ZNF438: variants seen among roughly 807,000 people sequenced by gnomAD.
ZNF438 encodes the protein zinc finger protein 438.
Under a neutral mutation model 38.0 loss-of-function variants are expected in ZNF438, and 25 were observed. The ratio of observed to expected loss-of-function variants is 0.66; its 90% CI spans 0.48 to 0.92. The LOEUF (loss-of-function observed/expected upper bound fraction) is 0.92. Ranked by LOEUF, ZNF438 falls within the 40% of genes least tolerant of loss-of-function variation. The pLI is 0.00. For synonymous variants in ZNF438, 372 were observed against 364.1 expected, an observed-to-expected ratio of 1.02 and a Z score of -0.25; for missense variants, 1,007 against 999.6, an observed-to-expected ratio of 1.01 and a Z score of -0.10.
chr10:30,946,433 G>A (rs575268025), intron 1 of ZNF438, among the ~76,000 whole-genome samples: 57 of 151,858 alleles, frequency 3.8e-4, no homozygotes, highest in South Asian at 2.5e-3. Flanking sequence ...GAAAATTTTC[G>A]CAACCTACTC....
intron 2 of ZNF438, among the ~76,000 whole-genome samples, chr10:30,931,325 A>C (rs2045672919): frequency 6.6e-6 from 1 of 152,206 alleles, no homozygotes; most frequent in African/African-American, 2.4e-5. Context: ...CCATGCCTGA[A>C]GCCAGATGCA....
At position 30,965,277 on chromosome 10, in the gene ZNF438, C is replaced by T. The variant is rs117902210; in HGVS notation, c.-191-23626G>A. ...GTGAGAAGAGCTATTATTAAAAAGT[C>T]GAAAAATAATATGCTGGTGAGGCTG... On this transcript the variant is annotated intron_variant, in intron 1 of 5. Coordinates refer to ENST00000413025, the Ensembl canonical transcript of ZNF438. Among the ~76,000 whole-genome samples, 1,993 of 152,156 alleles carry T rather than the reference C, an allele frequency of 0.013. 138 individuals are homozygous for T. In the East Asian group the frequency reaches 0.19, roughly 14 times the overall value.
At chr10:30,875,441 G>C (rs938052399) in intron 4 of ZNF438, 9 of 976,924 alleles carry the variant, frequency 9.2e-6, no homozygotes, top group Non-Finnish European at 1.1e-5. Flanking sequence ...TTGGAGGCAG[G>C]TATGGAATGG....
chr10:30,994,248 A>G (rs1408508299), intron 1 of ZNF438, among the ~76,000 whole-genome samples: 3 of 152,204 alleles, frequency 2.0e-5, no homozygotes, highest in Admixed American at 6.5e-5. Flanking sequence ...AGAAGGACAT[A>G]AATTTTGGGT....
intron 4 of ZNF438, among the ~76,000 whole-genome samples, chr10:30,856,307 T>C (rs1168629795): frequency 6.6e-6 from 1 of 152,208 alleles, no homozygotes; most frequent in Non-Finnish European, 1.5e-5. Context: ...CTCCAAACAT[T>C]TGCTCTTTAA....
At chr10:31,025,326 T>C (rs570934556) in intron 1 of ZNF438, among the ~76,000 whole-genome samples, 9 of 152,350 alleles carry the variant, frequency 5.9e-5, no homozygotes, top group African/African-American at 2.2e-4. Context: ...TGACATGCTA[T>C]AATGGCCTCA....
intron 1 of ZNF438, among the ~76,000 whole-genome samples, chr10:30,957,023 C>G (rs75315565): frequency 0.079 from 12,070 of 152,168 alleles, 575 homozygotes; most frequent in Non-Finnish European, 0.11. Context: ...TGTAAATTAA[C>G]AGTTCCCTTT....
At chr10:31,015,162 C>T (rs2642189) in intron 1 of ZNF438, among the ~76,000 whole-genome samples, 3,112 of 152,234 alleles carry the variant, frequency 0.02, 38 homozygotes, top group Non-Finnish European at 0.031. Flanking sequence ...GCTACCATAC[C>T]CAGTCTGTTA....
rs1177008438 is a variant in ZNF438 at position 30,844,885 on chromosome 10, C to G, written c.*76G>C. ...CTGTTGTTTGATCTTTGTGACTAAG[C>G]ACCACCATAAAGCACGAAGCTCTGA... On this transcript the variant is annotated 3_prime_UTR_variant, in exon 6 of 6. Coordinates refer to ENST00000413025, the Ensembl canonical transcript of ZNF438. 13 of 1,515,488 alleles carry G rather than the reference C, an allele frequency of 8.6e-6. No individual in the cohort carries two copies. The Admixed American group carries it at 2.7e-4, about 31-fold the overall frequency. 93.9% of individuals were successfully genotyped at this position (1,515,488 alleles called of 1,614,324 possible).
intron 3 of ZNF438, among the ~76,000 whole-genome samples, chr10:30,883,787 G>A (rs2039586483): frequency 6.6e-6 from 1 of 152,198 alleles, no homozygotes; most frequent in Admixed American, 6.5e-5. Flanking sequence ...TCTGGAAGCT[G>A]AGGTGGGAGG....
intron 1 of ZNF438, among the ~76,000 whole-genome samples, chr10:31,011,306 T>C (rs1407456430): frequency 6.6e-6 from 1 of 152,214 alleles, no homozygotes; most frequent in Non-Finnish European, 1.5e-5. Context: ...AGAGTACAAC[T>C]GCAAGTGGGC....
At chr10:31,024,720 G>A (rs1564364206) in intron 1 of ZNF438, among the ~76,000 whole-genome samples, 1 of 152,088 alleles carries the variant, frequency 6.6e-6, no homozygotes, top group South Asian at 2.1e-4. Context: ...ACCTAAGTCT[G>A]TTTCTTCATT....
intron 1 of ZNF438, among the ~76,000 whole-genome samples, chr10:30,980,254 T>TAA (rs368647419): frequency 0.028 from 3,860 of 136,218 alleles, 124 homozygotes; most frequent in African/African-American, 0.074. Context: ...TGTTTAACAT[T>TAA]AAAAAAAAAA....
chr10:30,911,716 C>T (rs1365606112), intron 2 of ZNF438, among the ~76,000 whole-genome samples: 11 of 152,130 alleles, frequency 7.2e-5, no homozygotes, highest in Non-Finnish European at 4.4e-5. Flanking sequence ...AACCTGCTCT[C>T]CTTAACTCCT....
chr10:31,003,623 C>T (rs2054864111), intron 1 of ZNF438, among the ~76,000 whole-genome samples: 1 of 152,168 alleles, frequency 6.6e-6, no homozygotes. Context: ...TGTTTAAGCA[C>T]TAAACTAAAG....
chr10:31,029,779 G>A (rs1048640823), intron 1 of ZNF438, among the ~76,000 whole-genome samples: 2 of 152,154 alleles, frequency 1.3e-5, no homozygotes, highest in African/African-American at 2.4e-5. Flanking sequence ...GGGACCCCAC[G>A]GCCTGCCTGG....
intron 2 of ZNF438, among the ~76,000 whole-genome samples, chr10:30,925,060 C>A (rs978087252): frequency 2.0e-5 from 3 of 152,148 alleles, no homozygotes; most frequent in African/African-American, 7.2e-5. Flanking sequence ...CTTTGCTCAA[C>A]TCTCTAATTT....
At chr10:30,875,829 C>CA (rs2038329819) in intron 4 of ZNF438, among the ~76,000 whole-genome samples, 1 of 152,232 alleles carries the variant, frequency 6.6e-6, no homozygotes, top group Non-Finnish European at 1.5e-5. Flanking sequence ...TTAGGCATCC[C>CA]AGGCAAGAGG....
At chr10:31,023,828 C>CT (rs1372366398) in intron 1 of ZNF438, among the ~76,000 whole-genome samples, 1 of 152,204 alleles carries the variant, frequency 6.6e-6, no homozygotes, top group Non-Finnish European at 1.5e-5. Flanking sequence ...TCTCTAAACT[C>CT]TAAGTTTAAA....
Sources: gnomAD v4.1 joint callset for allele counts (sites outside exome capture counted in the v4.1 genomes callset) on GRCh38, gnomAD v4.1.1 for gene constraint, MANE v1.5 for transcripts, NCBI Gene and HGNC (gene_info 2026-07-23, HGNC 2026-07-21) for gene names.